The following ERC2 variants were observed in gnomAD, a reference collection of about 807,000 sequenced individuals.
The protein encoded by ERC2 is ERC protein 2.
A neutral mutation model predicts 114.8 loss-of-function variants in ERC2; 42 were observed. That is an observed-to-expected ratio of 0.37 (90% CI 0.29 to 0.47). The LOEUF (loss-of-function observed/expected upper bound fraction) is 0.47, where lower values mean the gene tolerates loss of function less well. Among genes scored for constraint, ERC2 ranks in the 20% least tolerant of loss-of-function variants. The pLI is 0.99. For missense variants in ERC2, 939 were observed against 1,150.7 expected, an observed-to-expected ratio of 0.82 and a Z score of 2.66; for synonymous variants, 454 against 425.5, an observed-to-expected ratio of 1.07 and a Z score of -0.82.
chr3:55,591,955 T>C (rs759054821), intron 17 of ERC2, among the ~76,000 whole-genome samples: 16 of 152,232 alleles, frequency 1.1e-4, no homozygotes, highest in Non-Finnish European at 2.1e-4. Flanking sequence ...GAAAAGCTAC[T>C]TCCCTGTCTC....
At chr3:56,311,244 T>TA (rs2056537362) in intron 2 of ERC2, among the ~76,000 whole-genome samples, 2 of 18,952 alleles carry the variant, frequency 1.1e-4, no homozygotes, top group African/African-American at 1.3e-4. Context: ...TCTCTCTCTC[T>TA]CTCTCTCTCT....
chr3:56,037,256 C>T lies in ERC2; in HGVS notation c.1642-18225G>A, dbSNP rs114854596. ...AGTTGAAGAATAATGAACTTCACTG[C>T]GCTAAAGGAGTATGTTCTAACCCAA... On this transcript the variant is annotated intron_variant, in intron 7 of 17. Transcript: ENST00000288221. 4.7e-3 allele frequency among the ~76,000 whole-genome samples: 716 copies of T among 152,236 alleles called. 8 individuals carry two copies. The highest frequency in any genetic ancestry group is 0.016 in the African/African-American group (657 of 41,538).
intron 3 of ERC2, among the ~76,000 whole-genome samples, chr3:56,259,039 T>C (rs2052725877): frequency 6.6e-6 from 1 of 151,460 alleles, no homozygotes; most frequent in Admixed American, 6.6e-5. Context: ...AATGGCATGA[T>C]CTCGGCTCAC....
chr3:56,400,637 T>C (rs2060485946), intron 2 of ERC2, among the ~76,000 whole-genome samples: 1 of 152,210 alleles, frequency 6.6e-6, no homozygotes, highest in Admixed American at 6.5e-5. Flanking sequence ...GCACATTTAA[T>C]TTTCCTACAA....
At chr3:56,165,815 A>G (rs1343378395) in intron 4 of ERC2, among the ~76,000 whole-genome samples, 3 of 151,952 alleles carry the variant, frequency 2.0e-5, no homozygotes, top group African/African-American at 4.8e-5. Context: ...TACTAATCTA[A>G]TATTGTATAT....
At chr3:55,736,447 T>A (rs2065640059) in intron 14 of ERC2, among the ~76,000 whole-genome samples, 1 of 152,244 alleles carries the variant, frequency 6.6e-6, no homozygotes, top group African/African-American at 2.4e-5. Flanking sequence ...GACTGACCAC[T>A]GACTTAGACC....
intron 14 of ERC2, among the ~76,000 whole-genome samples, chr3:55,765,962 G>C (rs1262785719): frequency 6.6e-6 from 1 of 152,204 alleles, no homozygotes; most frequent in Admixed American, 6.5e-5. Context: ...CTTTTAAAGA[G>C]AAGTCTTTTA....
chr3:55,732,155 A>G (rs2065289673), intron 15 of ERC2, among the ~76,000 whole-genome samples: 1 of 152,134 alleles, frequency 6.6e-6, no homozygotes, highest in Non-Finnish European at 1.5e-5. Flanking sequence ...ACACACTCAC[A>G]TGGTTGCTGT....
intron 2 of ERC2, among the ~76,000 whole-genome samples, chr3:56,348,778 C>T (rs2058409296): frequency 6.6e-6 from 1 of 151,550 alleles, no homozygotes; most frequent in South Asian, 2.1e-4. Context: ...TATTAGTAGC[C>T]ACCTACAGAG....
chr3:56,389,195 T>C (rs534945275), intron 2 of ERC2, among the ~76,000 whole-genome samples: 1 of 152,264 alleles, frequency 6.6e-6, no homozygotes, highest in Admixed American at 6.5e-5. Context: ...ATTGGGGGAC[T>C]CTATTGCATG....
intron 14 of ERC2, among the ~76,000 whole-genome samples, chr3:55,859,756 G>A (rs2061951249): frequency 6.8e-6 from 1 of 147,920 alleles, no homozygotes; most frequent in Non-Finnish European, 1.5e-5. Context: ...GACCTATGGA[G>A]CCAGAACATC....
At chr3:55,890,813 C>T (rs552083748) in intron 13 of ERC2, among the ~76,000 whole-genome samples, 4 of 152,336 alleles carry the variant, frequency 2.6e-5, no homozygotes, top group East Asian at 1.9e-4. Flanking sequence ...AAGCTCCTCA[C>T]TCTTCCTAAT....
intron 1 of ERC2, among the ~76,000 whole-genome samples, chr3:56,443,793 T>C (rs2062431241): frequency 6.6e-6 from 1 of 152,070 alleles, no homozygotes; most frequent in African/African-American, 2.4e-5. Flanking sequence ...TGTCTTCCAT[T>C]GCCCATTACT....
At chr3:55,866,488 T>A (rs2062322149) in intron 14 of ERC2, among the ~76,000 whole-genome samples, 1 of 152,178 alleles carries the variant, frequency 6.6e-6, no homozygotes, top group Admixed American at 6.5e-5. Flanking sequence ...ATTTATCACA[T>A]TTTTCTTTAG....
intron 14 of ERC2, among the ~76,000 whole-genome samples, chr3:55,819,007 C>A (rs183337211): frequency 1.5e-3 from 223 of 152,286 alleles, no homozygotes; most frequent in Non-Finnish European, 2.3e-3. Context: ...CTGGTGCAAG[C>A]TAGTGTGGGT....
At chr3:55,843,402 C>G (rs2061220788) in intron 14 of ERC2, among the ~76,000 whole-genome samples, 1 of 152,160 alleles carries the variant, frequency 6.6e-6, no homozygotes, top group African/African-American at 2.4e-5. Context: ...ACTAATACAT[C>G]AGATCATATG....
chr3:55,991,662 T>C (rs1157731483), intron 11 of ERC2, among the ~76,000 whole-genome samples: 1 of 152,182 alleles, frequency 6.6e-6, no homozygotes, highest in Non-Finnish European at 1.5e-5. Context: ...ATTCTTCGGT[T>C]TTTGGTGTTG....
intron 3 of ERC2, among the ~76,000 whole-genome samples, chr3:56,276,719 C>T (rs774528187): frequency 7.9e-5 from 12 of 152,154 alleles, no homozygotes; most frequent in Non-Finnish European, 1.6e-4. Flanking sequence ...AAGAACAACG[C>T]ATGTGCTAGT....
At chr3:56,089,031 T>C (rs1278954935) in intron 6 of ERC2, among the ~76,000 whole-genome samples, 1 of 152,200 alleles carries the variant, frequency 6.6e-6, no homozygotes, top group Non-Finnish European at 1.5e-5. Flanking sequence ...TGAGGCGTTA[T>C]ATTGTTTGAC....
Sources: allele counts gnomAD v4.1 joint callset (sites outside exome capture counted in the v4.1 genomes callset), GRCh38; gene constraint gnomAD v4.1.1; transcripts MANE v1.5; gene names NCBI Gene and HGNC (gene_info 2026-07-23, HGNC 2026-07-21).